The following CSMD2 variants were observed in gnomAD, a reference collection of about 807,000 sequenced individuals.
CSMD2 encodes the protein CUB and Sushi multiple domains 2.
In CSMD2, 130 loss-of-function variants were observed where a neutral mutation model predicts 398.5. That is an observed-to-expected ratio of 0.33 (90% CI 0.28 to 0.38). The LOEUF (loss-of-function observed/expected upper bound fraction) is 0.38, where lower values mean the gene tolerates loss of function less well. Among genes scored for constraint, CSMD2 ranks in the 10% least tolerant of loss-of-function variants. The pLI is 1.00. For synonymous variants in CSMD2, 1,828 were observed against 1,908.5 expected (o/e 0.96, Z 1.10); for missense variants, 3,829 against 4,764.9 (o/e 0.80, Z 5.78).
chr1:33,743,222 C>A lies in CSMD2; in HGVS notation c.2173+58G>T, dbSNP rs547526729. On this transcript the variant is annotated intron_variant, in intron 14 of 70. Transcript: ENST00000373381. ...CTCCCTCCATGGGAGCACCTTCGAT[C>A]ATCCTCAGAGGCAGACACTCAGATG... 41 of 1,455,144 alleles carry A rather than the reference C, an allele frequency of 2.8e-5. No homozygotes were observed. The South Asian group carries it at 4.9e-4, about 17-fold the overall frequency. 90.1% of individuals were successfully genotyped at this position (1,455,144 alleles called of 1,614,324 possible).
chr1:33,750,776 G>A (rs536906445), intron 13 of CSMD2, among the ~76,000 whole-genome samples: 3 of 152,116 alleles, frequency 2.0e-5, no homozygotes, highest in Non-Finnish European at 4.4e-5. Context: ...GCCAGTTAAT[G>A]ACAAAATTAG....
chr1:34,047,845 A>G (rs968948977), intron 2 of CSMD2, among the ~76,000 whole-genome samples: 3 of 152,228 alleles, frequency 2.0e-5, no homozygotes, highest in Admixed American at 2.0e-4. Flanking sequence ...TTTACGTGTA[A>G]TTTATAAAAT....
chr1:33,577,603 T>A (rs748995224), intron 48 of CSMD2, 119 bp from the exon 49 acceptor site: 63 of 820,752 alleles, frequency 7.7e-5, no homozygotes, highest in Non-Finnish European at 9.3e-5. Context: ...CACTGCCACA[T>A]CCTCTGCTGT....
chr1:33,895,565 C>T lies in CSMD2; in HGVS notation c.920+22529G>A, dbSNP rs886454901. On this transcript the variant is annotated intron_variant, in intron 5 of 70. Transcript: ENST00000373381. ...GGTTAGCAGCAGCAGGGCCACCCCA[C>T]GGGTGGTGGCTGGGGAAGCGCGGCT... is the stretch of plus-strand genomic sequence containing the variant. Among the ~76,000 whole-genome samples the T allele has an allele frequency of 6.6e-5, 10 of 152,152 alleles. No homozygotes were observed. In the South Asian group the frequency reaches 8.3e-4, roughly 13 times the overall value.
intron 13 of CSMD2, among the ~76,000 whole-genome samples, chr1:33,748,273 T>C (rs1318893029): frequency 6.6e-6 from 1 of 152,194 alleles, no homozygotes; most frequent in Non-Finnish European, 1.5e-5. Context: ...AGAGCCTACT[T>C]CTCAGTGTCG....
intron 10 of CSMD2, among the ~76,000 whole-genome samples, chr1:33,805,473 T>G (rs1346167851): frequency 6.6e-6 from 1 of 152,074 alleles, no homozygotes; most frequent in Non-Finnish European, 1.5e-5. Flanking sequence ...AATTTTAAAG[T>G]GTTAGGTAAA....
chr1:33,852,215 C>T (rs1025523046), intron 5 of CSMD2, among the ~76,000 whole-genome samples: 6 of 152,194 alleles, frequency 3.9e-5, no homozygotes, highest in Non-Finnish European at 5.9e-5. Flanking sequence ...ATGTCCTCAT[C>T]GTTTCTCACC....
chr1:34,053,040 G>A (rs893329324), intron 2 of CSMD2, among the ~76,000 whole-genome samples: 8 of 152,094 alleles, frequency 5.3e-5, no homozygotes, highest in African/African-American at 1.9e-4. Flanking sequence ...GCTTTGGAAG[G>A]AAGAGGGTCA....
chr1:33,648,107 A>G (rs529828722), intron 28 of CSMD2, among the ~76,000 whole-genome samples: 68 of 152,288 alleles, frequency 4.5e-4, no homozygotes, highest in Middle Eastern at 3.4e-3. Flanking sequence ...TCATGCCTGT[A>G]ATCCCAGCAC....
At chr1:33,527,425 GC>G (rs1434826746) in intron 64 of CSMD2, among the ~76,000 whole-genome samples, 167 bp from the exon 65 acceptor site, 1 of 152,136 alleles carries the variant, frequency 6.6e-6, no homozygotes, top group African/African-American at 2.4e-5. Flanking sequence ...CTCTAATGAT[GC>G]TATGGATCCC....
chr1:33,977,917 G>A (rs1049295447), intron 3 of CSMD2, among the ~76,000 whole-genome samples: 11 of 152,134 alleles, frequency 7.2e-5, no homozygotes, highest in East Asian at 1.9e-4. Context: ...CAACAGAAGC[G>A]GGCAGGGGTC....
chr1:33,886,629 G>A (rs75878702), intron 5 of CSMD2, among the ~76,000 whole-genome samples: 8,958 of 152,226 alleles, frequency 0.059, 314 homozygotes, highest in Middle Eastern at 0.13. Flanking sequence ...TGCACACAGC[G>A]TGGGGCACAG....
chr1:34,012,584 G>A (rs988655736), intron 3 of CSMD2, among the ~76,000 whole-genome samples: 21 of 152,128 alleles, frequency 1.4e-4, no homozygotes, highest in African/African-American at 4.8e-4. Context: ...TGTGACTACA[G>A]GCATGCACCA....
At chr1:33,700,050 C>T (rs553216998) in intron 23 of CSMD2, among the ~76,000 whole-genome samples, 1 of 152,112 alleles carries the variant, frequency 6.6e-6, no homozygotes, top group East Asian at 1.9e-4. Flanking sequence ...GCTCTGTCAC[C>T]CAGGCTAGAG....
intron 2 of CSMD2, among the ~76,000 whole-genome samples, chr1:34,086,185 G>A (rs1235116104): frequency 6.6e-6 from 1 of 152,158 alleles, no homozygotes; most frequent in Non-Finnish European, 1.5e-5. Flanking sequence ...TGCCCCATTG[G>A]TTTGACCTGA....
intron 1 of CSMD2, among the ~76,000 whole-genome samples, chr1:34,118,626 G>A (rs1167383984): frequency 1.3e-5 from 2 of 152,154 alleles, no homozygotes; most frequent in Non-Finnish European, 2.9e-5. Context: ...AATCTAAAAA[G>A]GAGATTTGTT....
intron 16 of CSMD2, among the ~76,000 whole-genome samples, chr1:33,726,329 T>C (rs941660402): frequency 3.3e-5 from 5 of 152,140 alleles, no homozygotes; most frequent in Non-Finnish European, 4.4e-5. Flanking sequence ...AAGCCTTCTC[T>C]TCACCCCTCC....
intron 1 of CSMD2, among the ~76,000 whole-genome samples, chr1:34,129,663 T>TA (rs1038375801): frequency 1.5e-4 from 23 of 151,878 alleles, no homozygotes; most frequent in Admixed American, 6.6e-4. Flanking sequence ...AAAAAATAAA[T>TA]AAATAAAATA....
chr1:33,729,446 G>C (rs1378455496), intron 15 of CSMD2, among the ~76,000 whole-genome samples: 3 of 149,682 alleles, frequency 2.0e-5, no homozygotes, highest in African/African-American at 7.4e-5. Flanking sequence ...ATTTGGAGGG[G>C]AGGATTCTTT....
Sources: allele counts gnomAD v4.1 joint callset (sites outside exome capture counted in the v4.1 genomes callset), GRCh38; gene constraint gnomAD v4.1.1; transcripts MANE v1.5; gene names NCBI Gene and HGNC (gene_info 2026-07-23, HGNC 2026-07-21).